Variants in GAD1 observed in about 807,000 individuals in gnomAD.
GAD1 encodes 67 kDa glutamic acid decarboxylase.
GAD1 carries 35 observed loss-of-function variants against 75.2 expected under a neutral mutation model. That is an observed-to-expected ratio of 0.47 (90% CI 0.36 to 0.62). The LOEUF (loss-of-function observed/expected upper bound fraction) is 0.62. Among genes scored for constraint, GAD1 ranks in the 20% least tolerant of loss-of-function variants. GAD1 has a pLI of 0.00. For missense variants in GAD1, 490 were observed against 758.5 expected (o/e 0.65, Z 4.16); for synonymous variants, 257 against 271.9 (o/e 0.95, Z 0.54).
chr2:170,844,001 G>T, intron 6 of GAD1, 44 bp from the exon 7 acceptor site: 5 of 1,094,148 alleles, frequency 4.6e-6, no homozygotes, highest in South Asian at 2.5e-5. Context: ...TAAGTGGTTT[G>T]ACTTCTTTAT....
At chr2:170,827,259 T>G (rs189960645) in intron 3 of GAD1, among the ~76,000 whole-genome samples, 1 of 152,294 alleles carries the variant, frequency 6.6e-6, no homozygotes. Context: ...CAGATTAACT[T>G]GCCTTTTTGC....
chr2:170,840,809 G>A lies in GAD1; in HGVS notation c.639-3236G>A, dbSNP rs150693298. Among the ~76,000 whole-genome samples, 16 of 152,222 alleles carry A rather than the reference G, an allele frequency of 1.1e-4. No individual in the cohort carries two copies. The East Asian group carries it at 1.7e-3, about 17-fold the overall frequency. ...TAGTCCAAGACCACACCAAAAAAGG[G>A]TAGAAAATATAGTCTTCGATCAGAG... On this transcript the variant is annotated intron_variant, in intron 6 of 16. Coordinates refer to ENST00000358196, the MANE Select transcript of GAD1 (RefSeq NM_000817.3).
chr2:170,837,760 G>C (rs865975035), intron 6 of GAD1, among the ~76,000 whole-genome samples: 6 of 152,136 alleles, frequency 3.9e-5, no homozygotes, highest in Admixed American at 6.5e-5. Flanking sequence ...AATTACATGG[G>C]TGTCCATCAC....
chr2:170,823,500 G>A (rs1452839678), intron 3 of GAD1, among the ~76,000 whole-genome samples: 2 of 152,174 alleles, frequency 1.3e-5, no homozygotes, highest in East Asian at 3.9e-4. Context: ...ATTTTCCACC[G>A]AAAGCCCAGC....
At chr2:170,820,451 C>T (rs1056764049) in intron 2 of GAD1, among the ~76,000 whole-genome samples, 1 of 152,270 alleles carries the variant, frequency 6.6e-6, no homozygotes, top group African/African-American at 2.4e-5. Context: ...GCACCCCAGG[C>T]TTCAAAGGCG....
intron 11 of GAD1, 130 bp downstream of exon 11, chr2:170,847,922 T>C: frequency 1.3e-6 from 1 of 760,618 alleles, no homozygotes; most frequent in East Asian, 2.5e-5. Flanking sequence ...AGTTCTTGTC[T>C]GGACCCTAGC....
chr2:170,828,573 G>A (rs536273511), intron 3 of GAD1, among the ~76,000 whole-genome samples: 81 of 70,226 alleles, frequency 1.2e-3, no homozygotes, highest in African/African-American at 4.1e-3. Context: ...TGTCCTCACC[G>A]TCCTCCTCTG....
intron 5 of GAD1, among the ~76,000 whole-genome samples, chr2:170,834,781 T>C (rs887303352): frequency 1.0e-4 from 15 of 144,282 alleles, no homozygotes; most frequent in Non-Finnish European, 2.2e-4. Context: ...TTTTTTTTTT[T>C]TGAGATGGAG....
chr2:170,830,941 C>A lies in GAD1; in HGVS notation c.305-9C>A. The A allele has an allele frequency of 6.2e-7, 1 of 1,614,154 alleles. No homozygotes were observed. Among genetic ancestry groups the A allele is most frequent in the Non-Finnish European group, 8.5e-7 (1 of 1,180,026 alleles). On this transcript the variant is annotated splice_polypyrimidine_tract_variant and intron_variant, in intron 4 of 16. Coordinates refer to ENST00000358196, the MANE Select transcript of GAD1 (RefSeq NM_000817.3). ...AGGTGAAAACCATTCATTGCTCTCC[C>A]CAATTCAGATCTGCTTCCGGCTAAG...
At chr2:170,834,305 C>T (rs1002265450) in intron 5 of GAD1, among the ~76,000 whole-genome samples, 2 of 152,142 alleles carry the variant, frequency 1.3e-5, no homozygotes, top group African/African-American at 4.8e-5. Context: ...TAGCTACACA[C>T]AGTAGAAAGT....
At chr2:170,833,789 C>G (rs769808907) in intron 5 of GAD1, among the ~76,000 whole-genome samples, 1 of 151,142 alleles carries the variant, frequency 6.6e-6, no homozygotes, top group Non-Finnish European at 1.5e-5. Context: ...AGGTGGATCA[C>G]GCGAGCTCAG....
intron 12 of GAD1, among the ~76,000 whole-genome samples, chr2:170,851,410 T>C (rs576346427): frequency 3.9e-5 from 6 of 152,324 alleles, no homozygotes; most frequent in African/African-American, 1.4e-4. Flanking sequence ...TTAACTTTCC[T>C]TGGAATTTTT....
At chr2:170,829,449 T>G (rs368230442) in intron 3 of GAD1, 26 bp from the exon 4 acceptor site, 209 of 1,611,962 alleles carry the variant, frequency 1.3e-4, no homozygotes, top group Non-Finnish European at 1.6e-4. Flanking sequence ...TGCAGCACTC[T>G]CTCTGACCAG....
chr2:170,840,521 C>A (rs1702486572), intron 6 of GAD1, among the ~76,000 whole-genome samples: 1 of 152,034 alleles, frequency 6.6e-6, no homozygotes. Flanking sequence ...TATTGTAGCA[C>A]ATGGCTCCCA....
rs1311879623 is a variant in GAD1 at position 170,820,400 on chromosome 2, C to T, written c.83-1687C>T. Among the ~76,000 whole-genome samples the T allele has an allele frequency of 2.6e-5, 4 of 152,370 alleles. No homozygotes were observed. In the East Asian group the frequency reaches 7.7e-4, roughly 29 times the overall value. ...TGTAAAACAGCAAGCAGCACGTGTC[C>T]CAGGCACACTGTTGCGGGCCCTTAG... On this transcript the variant is annotated intron_variant, in intron 2 of 16. Coordinates refer to ENST00000358196, the MANE Select transcript of GAD1 (RefSeq NM_000817.3).
upstream of GAD1, among the ~76,000 whole-genome samples, chr2:170,815,948 G>A (rs1056547598): frequency 6.6e-6 from 1 of 152,198 alleles, no homozygotes; most frequent in African/African-American, 2.4e-5. Context: ...TACGGCGAGG[G>A]GCTTCTCCCA....
In GAD1 at chr2:170,853,963, G is replaced by A; in HGVS notation, c.1354G>A (p.Ala452Thr). ...YDVSYDTGDK[A>T]IQCGRHVDIF... ...TGTCTCCTACGACACCGGGGACAAG[G>A]CAATTCAGTGTGGCCGCCACGTGGA... Residue 452 changes from alanine to threonine, a missense_variant, in exon 14 of 17, where the codon GCA becomes ACA. This residue lies in a region of GAD1 where 324 missense variants were observed against 523.9 expected (regional missense o/e 0.62). Coordinates refer to ENST00000358196, the MANE Select transcript of GAD1 (RefSeq NM_000817.3). The surrounding 1 kb of genome is among the most constrained non-coding windows in gnomAD (Gnocchi z 4.1). 3 of 1,614,116 alleles carry A rather than the reference G, an allele frequency of 1.9e-6. No individual in the cohort carries two copies. In the South Asian group the frequency reaches 3.3e-5, roughly 18 times the overall value.
At chr2:170,820,964 G>A (rs761738406) in intron 2 of GAD1, among the ~76,000 whole-genome samples, 1 of 152,170 alleles carries the variant, frequency 6.6e-6, no homozygotes, top group Non-Finnish European at 1.5e-5. Flanking sequence ...TTAGGGTTTC[G>A]CTTTTGCACT....
intron 12 of GAD1, chr2:170,852,338 A>G (rs572652279): frequency 1.0e-5 from 3 of 294,736 alleles, no homozygotes; most frequent in Non-Finnish European, 2.0e-5. Flanking sequence ...ACTGAGGCAC[A>G]TAAGAGTTAT....
Sources: allele counts gnomAD v4.1 joint callset (sites outside exome capture counted in the v4.1 genomes callset), GRCh38; gene constraint gnomAD v4.1.1; regional missense constraint gnomAD v4.1.1; non-coding constraint Gnocchi (gnomAD v3.1); transcripts MANE v1.5; gene names NCBI Gene and HGNC (gene_info 2026-07-23, HGNC 2026-07-21).